RYR3: variants seen among roughly 807,000 people sequenced by gnomAD.
RYR3 encodes the protein brain ryanodine receptor-calcium release channel.
RYR3 carries 207 observed loss-of-function variants against 584.3 expected under a neutral mutation model. The ratio of observed to expected loss-of-function variants is 0.35; its 90% CI spans 0.32 to 0.40. RYR3 has a LOEUF of 0.40. Among genes scored for constraint, RYR3 ranks in the 10% least tolerant of loss-of-function variants. RYR3 has a pLI of 1.00. For synonymous variants in RYR3, 2,416 were observed against 2,248.5 expected (o/e 1.07, Z -2.11); for missense variants, 5,616 against 6,089.2 (o/e 0.92, Z 2.59).
intron 1 of RYR3, among the ~76,000 whole-genome samples, chr15:33,371,820 A>G (rs1024416829): frequency 6.6e-6 from 1 of 152,310 alleles, no homozygotes; most frequent in Non-Finnish European, 1.5e-5. Context: ...ATAGCTGCCT[A>G]CAAGTCCAAG....
intron 1 of RYR3, among the ~76,000 whole-genome samples, chr15:33,400,044 CT>C (rs1425432349): frequency 1.3e-5 from 2 of 152,126 alleles, no homozygotes; most frequent in African/African-American, 4.8e-5. Context: ...CTTCTGACTC[CT>C]TTCTCGCAAG....
chr15:33,619,466 A>T (rs1181969997), intron 19 of RYR3, among the ~76,000 whole-genome samples: 1 of 152,196 alleles, frequency 6.6e-6, no homozygotes, highest in Non-Finnish European at 1.5e-5. Flanking sequence ...AGGATTTAAA[A>T]GATAAACATG....
chr15:33,844,914 A>G lies in RYR3; in HGVS notation c.13349A>G (p.Asn4450Ser), dbSNP rs1349006598. Residue 4450 changes from asparagine (N) to serine (S), a missense_variant, in exon 93 of 104, where the codon AAT (asparagine) becomes AGT (serine). Physicochemically the swap from Asn to Ser is conservative, Grantham distance 46. Around this residue, in one of 9 missense-constraint regions of RYR3, gnomAD observed 918 missense variants for 887.4 expected, o/e 1.03. Transcript: ENST00000634891. ...EETEDVANLW[N>S]SFNDEEEEEA... is the part of the protein sequence containing the mutation. ...ACAGAGGATGTTGCAAACCTATGGA[A>G]TTCCTTTAATGACGAGGAAGAGGAA... is the stretch of plus-strand genomic sequence containing the variant. The G allele has an allele frequency of 6.2e-7, 1 of 1,613,926 alleles. No homozygotes were observed. The highest frequency in any genetic ancestry group is 1.3e-5 in the African/African-American group (1 of 74,932).
intron 67 of RYR3, among the ~76,000 whole-genome samples, chr15:33,796,365 A>T (rs1179160421): frequency 6.6e-6 from 1 of 151,926 alleles, no homozygotes; most frequent in Non-Finnish European, 1.5e-5. Context: ...AAGTCCTGAC[A>T]TGAGGCGATT....
intron 65 of RYR3, among the ~76,000 whole-genome samples, chr15:33,784,655 T>C (rs553287462): frequency 1.3e-5 from 2 of 152,288 alleles, no homozygotes; most frequent in South Asian, 4.1e-4. Context: ...ACACATTCTG[T>C]AGGAAGCAGT....
At position 33,816,376 on chromosome 15, in the gene RYR3, T is replaced by A. The variant is rs191401222; in HGVS notation, c.10503-486T>A. Among the ~76,000 whole-genome samples the A allele has an allele frequency of 2.1e-4, 32 of 152,354 alleles. No individual in the cohort carries two copies. The East Asian group carries it at 6.0e-3, about 28-fold the overall frequency. On this transcript the variant is annotated intron_variant, in intron 74 of 103. Coordinates refer to ENST00000634891, the MANE Select transcript of RYR3 (RefSeq NM_001036.6). ...GTGCTAAGTAAAAGCTGGAGCACTT[T>A]ACCACTGTGGTTACTTGGAGAATGA... is the stretch of plus-strand genomic sequence containing the variant.
rs1486894475 is a variant in RYR3 at position 33,717,162 on chromosome 15, G to C, written c.6620-5553G>C. Among the ~76,000 whole-genome samples, 6 of 152,250 alleles carry C rather than the reference G, an allele frequency of 3.9e-5. No individual in the cohort carries two copies. In the East Asian group the frequency reaches 9.7e-4, roughly 25 times the overall value. Reference sequence around the variant, plus strand: ...TACTACTGCACCATCCACCCTGCATGGTTTCATGGCTTTGAATTCCACGTA... The same window carrying C: ...TACTACTGCACCATCCACCCTGCATCGTTTCATGGCTTTGAATTCCACGTA... On this transcript the variant is annotated intron_variant, in intron 43 of 103. Coordinates refer to ENST00000634891, the MANE Select transcript of RYR3 (RefSeq NM_001036.6).
rs778993520 is a variant in RYR3 at position 33,834,953 on chromosome 15, T to C, written c.11464-15T>C. 21 of 1,609,178 alleles carry C rather than the reference T, an allele frequency of 1.3e-5. No homozygotes were observed. The South Asian group carries it at 2.3e-4, about 18-fold the overall frequency. ...GTGATGTTTAAGTGACATAAGAATG[T>C]CCTCTTCTCTGCAGGGCCCTTGCAT... On this transcript the variant is annotated splice_polypyrimidine_tract_variant and intron_variant, in intron 86 of 103. Coordinates refer to ENST00000634891, the MANE Select transcript of RYR3 (RefSeq NM_001036.6).
chr15:33,451,307 C>T (rs1202924900), intron 1 of RYR3, among the ~76,000 whole-genome samples: 1 of 152,190 alleles, frequency 6.6e-6, no homozygotes, highest in Non-Finnish European at 1.5e-5. Context: ...CTTTCTCTCT[C>T]TACCCCTTCC....
chr15:33,570,642 G>A (rs182438736), intron 12 of RYR3, among the ~76,000 whole-genome samples: 11 of 152,138 alleles, frequency 7.2e-5, no homozygotes, highest in Middle Eastern at 3.4e-3. Context: ...GAATTTTGAT[G>A]GGTATTAAAT....
intron 3 of RYR3, among the ~76,000 whole-genome samples, chr15:33,504,838 C>T (rs896849947): frequency 6.6e-6 from 1 of 152,186 alleles, no homozygotes; most frequent in African/African-American, 2.4e-5. Context: ...CTATTCCTTC[C>T]ACATGGAACA....
Position 33,750,012 on chromosome 15 carries a change from A to G in RYR3, c.8233A>G (p.Asn2745Asp), listed in dbSNP as rs2071123764. 1.2e-6 allele frequency: 2 copies of G among 1,612,642 alleles called. No homozygotes were observed. The highest frequency in any genetic ancestry group is 2.2e-5 in the East Asian group (1 of 44,844). Residue 2745 changes from asparagine (N) to aspartate (D), a missense_variant, in exon 56 of 104, where the codon AAT (asparagine) becomes GAT (aspartate). Coordinates refer to ENST00000634891, the MANE Select transcript of RYR3 (RefSeq NM_001036.6). ...MVEVVAENYH[N>D]IWAKKKKLEL... ...GGAGGTCGTGGCTGAGAACTATCAC[A>G]ATATCTGGGCCAAGAAGAAGAAGCT...
chr15:33,444,704 C>T (rs1234730991), intron 1 of RYR3, among the ~76,000 whole-genome samples: 1 of 152,118 alleles, frequency 6.6e-6, no homozygotes, highest in Non-Finnish European at 1.5e-5. Context: ...GTCAACCACC[C>T]ACACAGCAAA....
Position 33,662,653 on chromosome 15 carries a change from C to A in RYR3, c.5123C>A (p.Ala1708Asp). ...MLTEAVQCSG[A>D]HIRDPVGGSV... ...ACAGAGGCAGTGCAGTGCAGCGGGG[C>A]CCACATCCGAGACCCTGTAGGGGGG... The change falls in exon 35 of 104, where the codon GCC (alanine) becomes GAC (aspartate). Residue 1708 changes from alanine (A) to aspartate (D), a missense_variant. Transcript: ENST00000634891. 1.2e-6 allele frequency: 2 copies of A among 1,614,054 alleles called. No individual in the cohort carries two copies. The highest frequency in any genetic ancestry group is 1.7e-6 in the Non-Finnish European group (2 of 1,179,930).
chr15:33,650,732 A>G lies in RYR3; in HGVS notation c.4142+1497A>G, dbSNP rs145749627. 2.7e-3 allele frequency among the ~76,000 whole-genome samples: 410 copies of G among 152,298 alleles called. 1 individual carries two copies. The highest frequency in any genetic ancestry group is 9.5e-3 in the African/African-American group (394 of 41,552). ...GAAATGTCAGCCTTCCCTATACGTG[A>G]GTTTTGCACTCTGTGAACACTGTAT... On this transcript the variant is annotated intron_variant, in intron 31 of 103. Transcript: ENST00000634891.
At chr15:33,511,854 C>A (rs2053044694) in intron 3 of RYR3, among the ~76,000 whole-genome samples, 1 of 152,234 alleles carries the variant, frequency 6.6e-6, no homozygotes, top group African/African-American at 2.4e-5. Context: ...TCTCGGCTCA[C>A]TGCAAGCTCC....
At chr15:33,596,495 T>TGG (rs71117157) in intron 16 of RYR3, among the ~76,000 whole-genome samples, 4,269 of 132,940 alleles carry the variant, frequency 0.032, 183 homozygotes, top group African/African-American at 0.073. Flanking sequence ...GTTCTTTTTT[T>TGG]GGGGGGGGGG....
chr15:33,814,927 A>T (rs1431767502), intron 74 of RYR3, among the ~76,000 whole-genome samples: 2 of 140,510 alleles, frequency 1.4e-5, no homozygotes, highest in African/African-American at 5.3e-5. Context: ...AAAATCAGCC[A>T]GGTGTGGTGG....
chr15:33,750,888 C>G (rs1177359630), intron 57 of RYR3, among the ~76,000 whole-genome samples: 1 of 152,156 alleles, frequency 6.6e-6, no homozygotes, highest in Non-Finnish European at 1.5e-5. Flanking sequence ...ACAACCCCCA[C>G]AGGCCCTGGG....
Sources: gnomAD v4.1 joint callset for allele counts (sites outside exome capture counted in the v4.1 genomes callset) on GRCh38, gnomAD v4.1.1 for gene constraint, gnomAD v4.1.1 regional missense constraint, MANE v1.5 for transcripts, NCBI Gene and HGNC (gene_info 2026-07-23, HGNC 2026-07-21) for gene names.